The following FSIP1 variants were observed in gnomAD, a reference collection of about 807,000 sequenced individuals.
FSIP1 encodes fibrous sheath interacting protein 1.
FSIP1 carries 65 observed loss-of-function variants against 60.9 expected under a neutral mutation model. The observed-to-expected ratio is 1.07, with a 90% CI of 0.87 to 1.31. FSIP1 has a LOEUF of 1.31. Among genes scored for constraint, FSIP1 ranks in the 40% most tolerant of loss-of-function variants. The pLI, the probability that FSIP1 is intolerant of heterozygous loss-of-function variation, is 0.00. For synonymous variants in FSIP1, 209 were observed against 221.2 expected (o/e 0.94, Z 0.49); for missense variants, 675 against 665.5 (o/e 1.01, Z -0.16).
At position 39,770,608 on chromosome 15, in the gene FSIP1, G is replaced by A. The variant is rs759762741; in HGVS notation, c.129C>T (p.Val43=). The change falls in exon 3 of 12, where the codon GTC becomes GTT. Residue 43 remains valine, a splice_region_variant and synonymous_variant. Coordinates refer to ENST00000350221, the MANE Select transcript of FSIP1 (RefSeq NM_152597.5). ...CAGAGTTCAAGTTGCTTGCAGTATC[G>A]ACCTAAAAATAATTTCAAAAAAAAA... ...VLSTEPGSFK[V]DTASNLNSGK... is the part of the protein sequence containing the mutation. The A allele has an allele frequency of 3.1e-5, 45 of 1,471,832 alleles. No homozygotes were observed. Among genetic ancestry groups the A allele is most frequent in the Admixed American group, 1.6e-4 (6 of 38,576 alleles). 91.2% of individuals were successfully genotyped at this position (1,471,832 alleles called of 1,614,324 possible). A position where few individuals can be genotyped will look rare whatever the true frequency, so the allele number is the denominator to read the frequency against.
chr15:39,620,410 A>G (rs1188985543), intron 10 of FSIP1, among the ~76,000 whole-genome samples: 2 of 152,140 alleles, frequency 1.3e-5, no homozygotes, highest in South Asian at 2.1e-4. Context: ...ATTAATAAAT[A>G]ATATAGAGGT....
At chr15:39,674,382 G>A (rs1303940953) in intron 10 of FSIP1, among the ~76,000 whole-genome samples, 1 of 152,096 alleles carries the variant, frequency 6.6e-6, no homozygotes, top group Non-Finnish European at 1.5e-5. Context: ...AGTCAAAATC[G>A]TACATGGGTC....
At chr15:39,614,211 C>CA (rs35578615) in intron 11 of FSIP1, among the ~76,000 whole-genome samples, 20 of 150,498 alleles carry the variant, frequency 1.3e-4, no homozygotes, top group Non-Finnish European at 2.1e-4. Flanking sequence ...TCAGAAGTGA[C>CA]AAAAAAAAAT....
chr15:39,615,804 G>A (rs1030848249), intron 11 of FSIP1, among the ~76,000 whole-genome samples: 1 of 151,848 alleles, frequency 6.6e-6, no homozygotes, highest in Non-Finnish European at 1.5e-5. Flanking sequence ...GGGATGAAGA[G>A]GGGGAAAAAG....
At position 39,618,163 on chromosome 15, in the gene FSIP1, T is replaced by C. The variant is rs894861760; in HGVS notation, c.1271A>G (p.Lys424Arg). ...TTCCTTTTTTCTTTCTGAAGAAAGTTTAATGATGGATTTTTGTTTAAGTAT... is the reference window on the plus strand; with the variant it reads ...TTCCTTTTTTCTTTCTGAAGAAAGTCTAATGATGGATTTTTGTTTAAGTAT... ...ECILKQKSII[K>R]LSSERKKEDI... The change falls in exon 11 of 12, where the codon AAA becomes AGA. Residue 424 changes from lysine to arginine, a missense_variant. By Grantham distance (26) the Lys-to-Arg change is conservative. Coordinates refer to ENST00000350221, the MANE Select transcript of FSIP1 (RefSeq NM_152597.5). The C allele has an allele frequency of 6.2e-7, 1 of 1,613,952 alleles. No individual in the cohort carries two copies. Among genetic ancestry groups the C allele is most frequent in the Non-Finnish European group, 8.5e-7 (1 of 1,179,958 alleles).
intron 10 of FSIP1, among the ~76,000 whole-genome samples, chr15:39,692,206 A>G (rs1894631641): frequency 6.6e-6 from 1 of 152,204 alleles, no homozygotes; most frequent in African/African-American, 2.4e-5. Flanking sequence ...CAGCTGCACT[A>G]CCAACTATGT....
rs1462875189 is a variant in FSIP1, at chr15:39,724,363, T to C, written c.1050+2226A>G. Among the ~76,000 whole-genome samples the C allele has an allele frequency of 2.6e-5, 4 of 151,990 alleles. No homozygotes were observed. The East Asian group carries it at 5.8e-4, about 22-fold the overall frequency. ...GCCTCCCGAGTTCACGCCATTCTCC[T>C]GCCTCAGCCTCCCAAGTAGCTGGGA... is the stretch of plus-strand genomic sequence containing the variant. On this transcript the variant is annotated intron_variant, in intron 9 of 11. Transcript: ENST00000350221.
intron 2 of FSIP1, among the ~76,000 whole-genome samples, chr15:39,773,484 T>C (rs577996793): frequency 1.3e-5 from 2 of 152,358 alleles, no homozygotes; most frequent in South Asian, 4.1e-4. Flanking sequence ...TGATCACTGA[T>C]ATTCTCCTTT....
At chr15:39,660,353 C>T (rs146487527) in intron 10 of FSIP1, among the ~76,000 whole-genome samples, 194 of 152,226 alleles carry the variant, frequency 1.3e-3, no homozygotes, top group African/African-American at 4.4e-3. Flanking sequence ...CTAGCCCACA[C>T]GACATTCAAA....
chr15:39,676,604 GT>G (rs149334415), intron 10 of FSIP1, among the ~76,000 whole-genome samples: 24,147 of 152,098 alleles, frequency 0.16, 2,093 homozygotes, highest in African/African-American at 0.2. Flanking sequence ...CTAAAAATGA[GT>G]TTTTTCCCCT....
rs146852386 is a variant in FSIP1 at position 39,717,027 on chromosome 15, A to C, written c.1051-3446T>G. Among the ~76,000 whole-genome samples, 205 of 151,858 alleles carry C rather than the reference A, an allele frequency of 1.3e-3. 1 individual carries two copies. Among genetic ancestry groups the C allele is most frequent in the African/African-American group, 4.3e-3 (179 of 41,430 alleles). On this transcript the variant is annotated intron_variant, in intron 9 of 11. Transcript: ENST00000350221. ...ACAGGGTTTCACCATGTTGGCCAGG[A>C]TGGTCTCAATCTCTTGACCTTGTGA...
intron 10 of FSIP1, among the ~76,000 whole-genome samples, chr15:39,632,892 T>TTAAA: frequency 6.6e-6 from 1 of 152,130 alleles, no homozygotes; most frequent in Non-Finnish European, 1.5e-5. Context: ...TAACTTCAAG[T>TTAAA]AGGCAGGGCA....
chr15:39,654,611 C>T (rs923445505), intron 10 of FSIP1, among the ~76,000 whole-genome samples: 2 of 152,182 alleles, frequency 1.3e-5, no homozygotes, highest in Non-Finnish European at 2.9e-5. Context: ...AAGACAACCC[C>T]TTCAGAAGTT....
intron 6 of FSIP1, among the ~76,000 whole-genome samples, chr15:39,740,912 T>A (rs1183391401): frequency 6.6e-6 from 1 of 152,170 alleles, no homozygotes; most frequent in Non-Finnish European, 1.5e-5. Flanking sequence ...GTTATTAAGT[T>A]ATATAAGCTT....
downstream of FSIP1, chr15:39,597,728 C>A (rs1890505771): frequency 6.6e-6 from 1 of 152,184 alleles, no homozygotes; most frequent in Admixed American, 6.5e-5. Flanking sequence ...ATCCCTAAGT[C>A]AAGGGCCCCC....
chr15:39,611,357 G>T (rs1471544179), intron 11 of FSIP1, among the ~76,000 whole-genome samples: 1 of 151,748 alleles, frequency 6.6e-6, no homozygotes, highest in Non-Finnish European at 1.5e-5. Context: ...TTGCTATATT[G>T]CCCAGGCAGG....
intron 10 of FSIP1, among the ~76,000 whole-genome samples, chr15:39,636,263 C>A (rs1292482432): frequency 6.6e-6 from 1 of 152,166 alleles, no homozygotes; most frequent in Non-Finnish European, 1.5e-5. Flanking sequence ...TAAATTCAAG[C>A]CATCTAAAGT....
chr15:39,725,839 C>A (rs1338756762), intron 9 of FSIP1, among the ~76,000 whole-genome samples: 1 of 150,734 alleles, frequency 6.6e-6, no homozygotes, highest in Non-Finnish European at 1.5e-5. Context: ...GGCTGGAGTG[C>A]AGCGGCACTA....
intron 10 of FSIP1, among the ~76,000 whole-genome samples, chr15:39,679,860 T>C (rs1006907190): frequency 6.6e-6 from 1 of 152,230 alleles, no homozygotes; most frequent in African/African-American, 2.4e-5. Flanking sequence ...TTAACATTAC[T>C]ATTTGAAATA....
Sources: gnomAD v4.1 joint callset for allele counts (sites outside exome capture counted in the v4.1 genomes callset) on GRCh38, gnomAD v4.1.1 for gene constraint, MANE v1.5 for transcripts, NCBI Gene and HGNC (gene_info 2026-07-23, HGNC 2026-07-21) for gene names.